Variants in PCDH15 observed in about 807,000 individuals in gnomAD.
PCDH15 encodes the protein protocadherin related 15, also known as protocadherin-15.
In PCDH15, 129 loss-of-function variants were observed where a neutral mutation model predicts 178.5. That is an observed-to-expected ratio of 0.72 (90% CI 0.63 to 0.84). PCDH15 has a LOEUF of 0.84. PCDH15 is among the 40% of genes least tolerant of loss of function. The probability of loss-of-function intolerance (pLI) is 0.00; values close to 1 mark genes in which losing one functional copy is unlikely to be tolerated. For missense variants in PCDH15, 2,230 were observed against 2,099.9 expected (o/e 1.06, Z -1.21); for synonymous variants, 800 against 732.0 (o/e 1.09, Z -1.50).
chr10:55,478,772 CAA>C (rs1565180273), intron 2 of PCDH15, among the ~76,000 whole-genome samples: 1 of 150,328 alleles, frequency 6.7e-6, no homozygotes, highest in African/African-American at 2.4e-5. Context: ...AGACAAGACT[CAA>C]ATAAATTCAG....
chr10:54,311,011 C>T (rs1301696429), intron 8 of PCDH15, among the ~76,000 whole-genome samples: 1 of 151,924 alleles, frequency 6.6e-6, no homozygotes, highest in Non-Finnish European at 1.5e-5. Flanking sequence ...CATTACTTTT[C>T]TGATAACTGA....
chr10:55,491,694 A>G (rs1565192169), intron 2 of PCDH15, among the ~76,000 whole-genome samples: 1 of 150,728 alleles, frequency 6.6e-6, no homozygotes, highest in Non-Finnish European at 1.5e-5. Context: ...AATCTTACAC[A>G]TGGAGCTCTT....
At chr10:55,237,681 T>A (rs1235198699) in intron 1 of PCDH15, among the ~76,000 whole-genome samples, 1 of 152,172 alleles carries the variant, frequency 6.6e-6, no homozygotes, top group Non-Finnish European at 1.5e-5. Flanking sequence ...TTGCACAACT[T>A]TTAAGGGCAA....
chr10:54,744,305 C>G (rs1945186294), intron 1 of PCDH15, among the ~76,000 whole-genome samples: 2 of 152,044 alleles, frequency 1.3e-5, no homozygotes. Flanking sequence ...TATTCAGAAA[C>G]AGAGGATGCA....
Position 54,247,692 on chromosome 10 carries a change from G to T in PCDH15, c.877-10761C>A, listed in dbSNP as rs541451101. Among the ~76,000 whole-genome samples, 7 of 151,734 alleles carry T rather than the reference G, an allele frequency of 4.6e-5. No individual in the cohort carries two copies. The South Asian group carries it at 1.5e-3, about 32-fold the overall frequency. On this transcript the variant is annotated intron_variant, in intron 8 of 37. Coordinates refer to ENST00000644397, the MANE Select transcript of PCDH15 (RefSeq NM_001384140.1). The stretch of plus-strand genomic sequence containing the variant: ...CATAAACATTCCAATAGAATGAACG[G>T]TGAACTCCTATGTCCTACAACAAAA...
intron 9 of PCDH15, among the ~76,000 whole-genome samples, chr10:54,219,536 T>C (rs1374564233): frequency 7.5e-6 from 1 of 133,316 alleles, no homozygotes; most frequent in African/African-American, 2.9e-5. Context: ...GAGCTTGCAG[T>C]GAGCCAAGAT....
At chr10:54,489,863 T>C (rs577896562) in intron 3 of PCDH15, among the ~76,000 whole-genome samples, 1 of 152,322 alleles carries the variant, frequency 6.6e-6, no homozygotes, top group East Asian at 1.9e-4. Context: ...CTTGCTTGCT[T>C]GCTTGCTTGA....
chr10:54,975,453 C>T (rs180782228), intron 2 of PCDH15, among the ~76,000 whole-genome samples: 20 of 152,102 alleles, frequency 1.3e-4, no homozygotes, highest in Admixed American at 2.6e-4. Context: ...TAGTGTTTTG[C>T]GGAACCGTAG....
chr10:53,809,066 C>G, intron 37 of PCDH15: 1 of 1,613,240 alleles, frequency 6.2e-7, no homozygotes. Context: ...CTTCTTCTTG[C>G]AAGCACAATG....
At position 54,185,205 on chromosome 10, in the gene PCDH15, T is replaced by C. The variant is rs1304894459; in HGVS notation, c.1369A>G (p.Thr457Ala). 15 of 1,613,642 alleles carry C rather than the reference T, an allele frequency of 9.3e-6. No homozygotes were observed. The highest frequency in any genetic ancestry group is 2.7e-5 in the African/African-American group (2 of 75,010). The change falls in exon 12 of 38, where the codon ACT (threonine) becomes GCT (alanine). Residue 457 changes from threonine to alanine, a missense_variant. Physicochemically the swap from Thr to Ala is moderately conservative, Grantham distance 58. Transcript: ENST00000644397. ...AAGGTGAGGTAGCGAGTAATACCAGTCTGTGTGACGGTGAAGACTGAGGTG... is the reference window on the plus strand; with the variant it reads ...AAGGTGAGGTAGCGAGTAATACCAGCCTGTGTGACGGTGAAGACTGAGGTG... ...DYTSVFTVTQ[T>A]GITRYLTLLQ...
chr10:54,649,220 A>G (rs2094200498), intron 2 of PCDH15, among the ~76,000 whole-genome samples: 1 of 152,216 alleles, frequency 6.6e-6, no homozygotes, highest in Non-Finnish European at 1.5e-5. Context: ...TACCTGAAGA[A>G]AGCATGAATT....
chr10:54,610,326 A>AT (rs1161283653), intron 2 of PCDH15, among the ~76,000 whole-genome samples: 8 of 151,930 alleles, frequency 5.3e-5, no homozygotes, highest in Non-Finnish European at 7.4e-5. Context: ...ATTTTCTTAT[A>AT]TTGTTTAGTA....
chr10:55,144,089 A>G (rs756684978), intron 2 of PCDH15, among the ~76,000 whole-genome samples: 1 of 152,092 alleles, frequency 6.6e-6, no homozygotes, highest in Non-Finnish European at 1.5e-5. Context: ...GCACACTTAC[A>G]TGTCAGAAGA....
intron 26 of PCDH15, among the ~76,000 whole-genome samples, chr10:53,876,645 A>G (rs921205873): frequency 3.3e-5 from 5 of 151,988 alleles, no homozygotes; most frequent in African/African-American, 1.2e-4. Context: ...AAGAAGAAAC[A>G]AGGAGAGAAA....
intron 2 of PCDH15, among the ~76,000 whole-genome samples, chr10:54,934,181 A>G (rs1018930413): frequency 3.3e-5 from 5 of 152,020 alleles, no homozygotes; most frequent in Admixed American, 2.6e-4. Flanking sequence ...TTTTTGTCCT[A>G]TTGTCTGTTC....
At chr10:55,117,571 T>C (rs1476692521) in intron 2 of PCDH15, among the ~76,000 whole-genome samples, 2 of 152,158 alleles carry the variant, frequency 1.3e-5, no homozygotes. Context: ...TGTCCCCATT[T>C]GAACCGTGAT....
At chr10:54,003,837 C>T (rs2092280189) in intron 20 of PCDH15, among the ~76,000 whole-genome samples, 1 of 147,574 alleles carries the variant, frequency 6.8e-6, no homozygotes, top group Admixed American at 6.8e-5. Context: ...AAGAGACATC[C>T]AAAAAAGAAA....
intron 26 of PCDH15, among the ~76,000 whole-genome samples, chr10:53,868,236 T>C (rs956002077): frequency 6.6e-6 from 1 of 151,928 alleles, no homozygotes; most frequent in African/African-American, 2.4e-5. Flanking sequence ...ATTATTTTTA[T>C]TATCCGATTA....
At chr10:54,935,475 T>C (rs1837880449) in intron 2 of PCDH15, among the ~76,000 whole-genome samples, 1 of 152,136 alleles carries the variant, frequency 6.6e-6, no homozygotes, top group Admixed American at 6.6e-5. Context: ...TTGCTTAAAA[T>C]ATACCCTTCA....
Sources: allele counts gnomAD v4.1 joint callset (sites outside exome capture counted in the v4.1 genomes callset), GRCh38; gene constraint gnomAD v4.1.1; transcripts MANE v1.5; gene names NCBI Gene and HGNC (gene_info 2026-07-23, HGNC 2026-07-21).